CNTN5: variants seen among roughly 807,000 people sequenced by gnomAD.
CNTN5 encodes the protein contactin 5.
CNTN5 carries 77 observed loss-of-function variants against 129.1 expected under a neutral mutation model. That is an observed-to-expected ratio of 0.60 (90% CI 0.50 to 0.72). CNTN5 has a LOEUF of 0.72. CNTN5 is among the 30% of genes least tolerant of loss of function. The pLI is 0.00. For synonymous variants in CNTN5, 509 were observed against 465.6 expected (o/e 1.09, Z -1.20); for missense variants, 1,478 against 1,328.8 (o/e 1.11, Z -1.75).
chr11:99,574,146 AC>A (rs1251257929), intron 3 of CNTN5, among the ~76,000 whole-genome samples: 2 of 152,150 alleles, frequency 1.3e-5, no homozygotes, highest in African/African-American at 4.8e-5. Flanking sequence ...ATGAGTGAGA[AC>A]GTGCAGTGTT....
chr11:99,433,541 T>C (rs886115424), intron 2 of CNTN5, among the ~76,000 whole-genome samples: 8 of 152,136 alleles, frequency 5.3e-5, no homozygotes, highest in East Asian at 1.9e-4. Context: ...TATTATTTTC[T>C]TTTAATTCAT....
chr11:99,085,614 T>C (rs1318047519), intron 1 of CNTN5, among the ~76,000 whole-genome samples: 1 of 152,162 alleles, frequency 6.6e-6, no homozygotes, highest in Non-Finnish European at 1.5e-5. Context: ...GCTTAATCAG[T>C]GAAGTAAAAT....
At chr11:100,033,937 C>T (rs1388667118) in intron 9 of CNTN5, among the ~76,000 whole-genome samples, 1 of 152,136 alleles carries the variant, frequency 6.6e-6, no homozygotes, top group Non-Finnish European at 1.5e-5. Context: ...CCTCCATACA[C>T]ATCCTTCTTT....
intron 2 of CNTN5, among the ~76,000 whole-genome samples, chr11:99,510,339 G>C (rs1031025839): frequency 1.3e-5 from 2 of 152,134 alleles, no homozygotes; most frequent in Admixed American, 1.3e-4. Flanking sequence ...CTGTTGGTGA[G>C]AGTATAAACT....
At chr11:99,593,221 A>C (rs562107090) in intron 3 of CNTN5, among the ~76,000 whole-genome samples, 2 of 152,270 alleles carry the variant, frequency 1.3e-5, no homozygotes, top group Non-Finnish European at 2.9e-5. Flanking sequence ...ATGGATTAAG[A>C]GCATAAAGAT....
At chr11:99,986,511 T>C (rs1343481173) in intron 8 of CNTN5, among the ~76,000 whole-genome samples, 1 of 152,210 alleles carries the variant, frequency 6.6e-6, no homozygotes, top group Admixed American at 6.5e-5. Flanking sequence ...TCTTCTTACC[T>C]ACATCAAGAA....
chr11:100,350,899 G>T (rs200873000), intron 24 of CNTN5, 29 bp downstream of exon 24: 4 of 1,505,774 alleles, frequency 2.7e-6, no homozygotes, highest in Non-Finnish European at 3.6e-6. Flanking sequence ...GATTTAATTT[G>T]CTGACAACCA....
intron 3 of CNTN5, among the ~76,000 whole-genome samples, chr11:99,809,887 T>A (rs1000198897): frequency 1.3e-5 from 2 of 152,176 alleles, no homozygotes; most frequent in African/African-American, 2.4e-5. Context: ...GTTAAAACTT[T>A]ACTGAAATCT....
At chr11:99,374,864 G>C (rs1399849592) in intron 2 of CNTN5, among the ~76,000 whole-genome samples, 1 of 152,116 alleles carries the variant, frequency 6.6e-6, no homozygotes, top group African/African-American at 2.4e-5. Flanking sequence ...CCAAATGAAT[G>C]TGTTGATACA....
Position 100,356,168 on chromosome 11 carries a change from C to A in CNTN5, c.3251C>A (p.Ser1084Ter). The A allele has an allele frequency of 6.2e-7, 1 of 1,610,618 alleles. No individual in the cohort carries two copies. Among genetic ancestry groups the A allele is most frequent in the Non-Finnish European group, 8.5e-7 (1 of 1,178,058 alleles). The stretch of plus-strand genomic sequence containing the variant: ...ACCCTTCACTCTCTCTCCACATCTT[C>A]GTCATCAGTCACCTTGCTCTTGGCA... ...QSTLHSLSTS[S>*]SSVTLLLALM... Residue 1084 changes from serine to a stop codon, truncating the protein, a stop_gained, in exon 25 of 25, where the codon TCG (serine) becomes TAG (stop). Coordinates refer to ENST00000524871, the MANE Select transcript of CNTN5 (RefSeq NM_014361.4). LOFTEE classifies it high-confidence loss of function.
chr11:100,183,300 GT>G (rs1399186791), intron 13 of CNTN5, among the ~76,000 whole-genome samples: 14 of 152,098 alleles, frequency 9.2e-5, no homozygotes, highest in African/African-American at 3.4e-4. Flanking sequence ...GTGCACAAAT[GT>G]TCATGGTATC....
chr11:100,334,564 G>A (rs1462373938), intron 21 of CNTN5, among the ~76,000 whole-genome samples: 1 of 152,026 alleles, frequency 6.6e-6, no homozygotes, highest in African/African-American at 2.4e-5. Context: ...TAAAGAAAAT[G>A]TGGTATATAC....
At chr11:99,233,250 G>T (rs921271607) in intron 1 of CNTN5, among the ~76,000 whole-genome samples, 3 of 152,104 alleles carry the variant, frequency 2.0e-5, no homozygotes, top group Non-Finnish European at 4.4e-5. Context: ...TGGTGCTAAG[G>T]AATAATTATT....
intron 17 of CNTN5, among the ~76,000 whole-genome samples, chr11:100,264,468 G>A (rs1413472104): frequency 6.6e-6 from 1 of 152,094 alleles, no homozygotes; most frequent in East Asian, 1.9e-4. Flanking sequence ...ACTTATCAGG[G>A]AGAACATGTG....
chr11:100,018,217 TA>T (rs1940937847), intron 9 of CNTN5, among the ~76,000 whole-genome samples: 1 of 151,932 alleles, frequency 6.6e-6, no homozygotes, highest in Non-Finnish European at 1.5e-5. Context: ...TACGTATTTT[TA>T]CCATGAAACC....
intron 13 of CNTN5, among the ~76,000 whole-genome samples, chr11:100,098,442 T>C (rs1023892321): frequency 7.2e-5 from 11 of 152,204 alleles, no homozygotes; most frequent in Admixed American, 7.2e-4. Flanking sequence ...TAGGATTTTC[T>C]TATTTCCAAC....
chr11:100,071,841 A>T lies in CNTN5; in HGVS notation c.1429+7A>T, dbSNP rs1943934421. The T allele has an allele frequency of 6.4e-7, 1 of 1,570,176 alleles. No individual in the cohort carries two copies. The highest frequency in any genetic ancestry group is 8.6e-7 in the Non-Finnish European group (1 of 1,166,108). Reference sequence around the variant, plus strand: ...GCTGAGCTGAAGATTCTAGGTATGCAGTTTCTAAGTGAATAAATTGAAAAA... The same window carrying T: ...GCTGAGCTGAAGATTCTAGGTATGCTGTTTCTAAGTGAATAAATTGAAAAA... On this transcript the variant is annotated splice_region_variant and intron_variant, in intron 12 of 24. Transcript: ENST00000524871.
intron 2 of CNTN5, among the ~76,000 whole-genome samples, chr11:99,422,607 G>A (rs775248942): frequency 6.8e-5 from 10 of 146,846 alleles, no homozygotes; most frequent in Non-Finnish European, 1.3e-4. Context: ...TGTGCACAAC[G>A]TGCAGGTTTG....
At chr11:99,349,846 T>C (rs1938165474) in intron 2 of CNTN5, among the ~76,000 whole-genome samples, 1 of 152,226 alleles carries the variant, frequency 6.6e-6, no homozygotes, top group Non-Finnish European at 1.5e-5. Context: ...TATTCTAGAA[T>C]AAGCCATCAG....
Sources: gnomAD v4.1 joint callset for allele counts (sites outside exome capture counted in the v4.1 genomes callset) on GRCh38, gnomAD v4.1.1 for gene constraint, MANE v1.5 for transcripts, NCBI Gene and HGNC (gene_info 2026-07-23, HGNC 2026-07-21) for gene names.